The following DOCK7 variants were observed in gnomAD, a reference collection of about 807,000 sequenced individuals.
DOCK7 encodes the protein dedicator of cytokinesis 7, also known as dedicator of cytokinesis protein 7.
A neutral mutation model predicts 271.0 loss-of-function variants in DOCK7; 138 were observed. The observed-to-expected ratio is 0.51, with a 90% CI of 0.44 to 0.59. The LOEUF (loss-of-function observed/expected upper bound fraction) is 0.59. Ranked by LOEUF, DOCK7 falls within the 20% of genes least tolerant of loss-of-function variation. The pLI, the probability that DOCK7 is intolerant of heterozygous loss-of-function variation, is 0.00. For missense variants in DOCK7, 2,066 were observed against 2,592.4 expected (o/e 0.80, Z 4.41); for synonymous variants, 823 against 876.1 (o/e 0.94, Z 1.07).
intron 14 of DOCK7, among the ~76,000 whole-genome samples, chr1:62,586,936 T>C (rs1368086142): frequency 1.3e-5 from 2 of 152,094 alleles, no homozygotes; most frequent in African/African-American, 4.8e-5. Context: ...CTCATTATCT[T>C]CACTCTACAA....
At chr1:62,505,148 T>C (rs973915530) in intron 36 of DOCK7, among the ~76,000 whole-genome samples, 1 of 152,170 alleles carries the variant, frequency 6.6e-6, no homozygotes, top group East Asian at 1.9e-4. Context: ...TTCATCAACA[T>C]CTCTGCATTC....
At chr1:62,600,888 A>C (rs1650015565) in intron 14 of DOCK7, 1 of 493,980 alleles carries the variant, frequency 2.0e-6, no homozygotes, top group Non-Finnish European at 3.6e-6. Context: ...TATCTTATTA[A>C]ATAATGTCCC....
At chr1:62,634,633 A>G in intron 9 of DOCK7, 140 bp downstream of exon 9, 1 of 826,072 alleles carries the variant, frequency 1.2e-6, no homozygotes, top group South Asian at 2.1e-5. Context: ...CCTACTGTGT[A>G]TGTCCAATAT....
intron 7 of DOCK7, among the ~76,000 whole-genome samples, chr1:62,637,953 A>G (rs558594940): frequency 6.4e-4 from 97 of 152,310 alleles, no homozygotes; most frequent in African/African-American, 1.5e-3. Context: ...GTAAAACCCA[A>G]CTACAAGTCA....
chr1:62,530,230 T>C (rs1472768964), intron 29 of DOCK7, among the ~76,000 whole-genome samples: 2 of 152,210 alleles, frequency 1.3e-5, no homozygotes, highest in African/African-American at 4.8e-5. Context: ...ACTTCCAACT[T>C]AGGAAAGAAG....
intron 2 of DOCK7, 71 bp downstream of exon 2, chr1:62,662,954 T>C: frequency 8.0e-7 from 1 of 1,252,898 alleles, no homozygotes; most frequent in Non-Finnish European, 1.1e-6. Flanking sequence ...AGCTCTTATC[T>C]TTCCACTATT....
At chr1:62,628,456 T>C (rs1021161514) in intron 11 of DOCK7, 3 of 152,176 alleles carry the variant, frequency 2.0e-5, no homozygotes, top group African/African-American at 4.8e-5. Flanking sequence ...GGGAAAAGAA[T>C]AGCCTTTTTA....
chr1:62,510,311 T>C (rs373258879), intron 34 of DOCK7, among the ~76,000 whole-genome samples: 1 of 152,198 alleles, frequency 6.6e-6, no homozygotes, highest in East Asian at 1.9e-4. Context: ...GTTCAAAAAA[T>C]AGTTGCTGAA....
chr1:62,686,168 T>TCATCATCAGAAGTAAGACC (rs1557910626), intron 1 of DOCK7, among the ~76,000 whole-genome samples: 3 of 440 alleles, frequency 6.8e-3, no homozygotes, highest in African/African-American at 7.0e-3. Context: ...TTTTTTTTTT[T>TCATCATCAGAAGTAAGACC]TTTTTTTTTT....
At chr1:62,482,752 T>C (rs574325876) in intron 43 of DOCK7, 1 of 152,324 alleles carries the variant, frequency 6.6e-6, no homozygotes, top group Non-Finnish European at 1.5e-5. Context: ...CCTCAAGAAA[T>C]TCTTTTGAGG....
At chr1:62,686,699 T>C (rs1201336511) in intron 1 of DOCK7, among the ~76,000 whole-genome samples, 1 of 152,206 alleles carries the variant, frequency 6.6e-6, no homozygotes, top group East Asian at 1.9e-4. Flanking sequence ...GGTCCTATTA[T>C]TATTCTCATT....
At chr1:62,478,471 T>C (rs1275389963) in intron 43 of DOCK7, 5 of 152,406 alleles carry the variant, frequency 3.3e-5, no homozygotes, top group Non-Finnish European at 7.3e-5. Context: ...TGGAGTGCAG[T>C]GGCACAATCT....
intron 18 of DOCK7, among the ~76,000 whole-genome samples, chr1:62,572,491 T>C (rs1240082987): frequency 6.6e-6 from 1 of 152,172 alleles, no homozygotes; most frequent in African/African-American, 2.4e-5. Context: ...CATAACAAAG[T>C]ACCATAAACA....
intron 12 of DOCK7, among the ~76,000 whole-genome samples, chr1:62,620,661 A>G (rs1285956919): frequency 6.6e-6 from 1 of 151,740 alleles, no homozygotes; most frequent in African/African-American, 2.4e-5. Context: ...CGGGCGGACC[A>G]TGAGGTCAGG....
intron 9 of DOCK7, among the ~76,000 whole-genome samples, chr1:62,634,224 T>C (rs1654971878): frequency 6.6e-6 from 1 of 152,034 alleles, no homozygotes; most frequent in Non-Finnish European, 1.5e-5. Context: ...CACTGAAGAC[T>C]ATAAAACATT....
chr1:62,578,798 T>C, intron 17 of DOCK7, 30 bp downstream of exon 17: 1 of 1,546,680 alleles, frequency 6.5e-7, no homozygotes, highest in Non-Finnish European at 8.7e-7. Context: ...TTTAGCTCTT[T>C]GATCTAAATA....
At chr1:62,624,932 C>T (rs1215787645) in intron 12 of DOCK7, among the ~76,000 whole-genome samples, 2 of 151,696 alleles carry the variant, frequency 1.3e-5, no homozygotes, top group Non-Finnish European at 2.9e-5. Context: ...AGATCTGTCT[C>T]TGCACTCCAG....
intron 1 of DOCK7, among the ~76,000 whole-genome samples, chr1:62,664,325 C>G (rs761100861): frequency 1.3e-5 from 2 of 152,092 alleles, no homozygotes; most frequent in Non-Finnish European, 2.9e-5. Context: ...GTCAGTTTCC[C>G]CCATACTGTT....
At chr1:62,666,867 T>A (rs1249240158) in intron 1 of DOCK7, among the ~76,000 whole-genome samples, 1 of 152,152 alleles carries the variant, frequency 6.6e-6, no homozygotes, top group Admixed American at 6.5e-5. Context: ...AAAACTTCTA[T>A]CCCTCCCAAG....
Sources: gnomAD v4.1 joint callset for allele counts (sites outside exome capture counted in the v4.1 genomes callset) on GRCh38, gnomAD v4.1.1 for gene constraint, MANE v1.5 for transcripts, NCBI Gene and HGNC (gene_info 2026-07-23, HGNC 2026-07-21) for gene names.